The following CHMP2B variants were observed in gnomAD, a reference collection of about 807,000 sequenced individuals.
The protein encoded by CHMP2B is charged multivesicular body protein 2B.
CHMP2B carries 22 observed loss-of-function variants against 29.8 expected under a neutral mutation model. The ratio of observed to expected loss-of-function variants is 0.74; its 90% confidence interval spans 0.53 to 1.05. The LOEUF (loss-of-function observed/expected upper bound fraction) is 1.05. Among genes scored for constraint, CHMP2B ranks in the 50% least tolerant of loss-of-function variants. The pLI, the probability that CHMP2B is intolerant of heterozygous loss-of-function variation, is 0.00. For synonymous variants in CHMP2B, 78 were observed against 75.8 expected, an observed-to-expected ratio of 1.03 and a Z score of -0.15; for missense variants, 261 against 252.2, an observed-to-expected ratio of 1.03 and a Z score of -0.24.
chr3:87,242,995 A>C (rs1706147593), intron 2 of CHMP2B, among the ~76,000 whole-genome samples: 1 of 152,180 alleles, frequency 6.6e-6, no homozygotes, highest in Non-Finnish European at 1.5e-5. Flanking sequence ...TTGGGATTAC[A>C]TTGAATAGTT....
At chr3:87,244,101 C>T (rs1276933496) in intron 2 of CHMP2B, among the ~76,000 whole-genome samples, 1 of 144,324 alleles carries the variant, frequency 6.9e-6, no homozygotes, top group African/African-American at 2.6e-5. Flanking sequence ...GGCTGGAGTG[C>T]GGTGGCGTGA....
intron 3 of CHMP2B, among the ~76,000 whole-genome samples, chr3:87,246,366 A>T (rs984425334): frequency 6.6e-6 from 1 of 152,016 alleles, no homozygotes; most frequent in African/African-American, 2.4e-5. Flanking sequence ...TAAACTCCTG[A>T]TCTCAGATGA....
At chr3:87,228,129 A>G (rs915594669) in intron 1 of CHMP2B, among the ~76,000 whole-genome samples, 4 of 152,224 alleles carry the variant, frequency 2.6e-5, no homozygotes, top group African/African-American at 9.6e-5. Flanking sequence ...TTTAGTTTTC[A>G]TAATGGATTT....
chr3:87,237,005 G>A (rs72547274), intron 1 of CHMP2B, among the ~76,000 whole-genome samples: 98 of 152,242 alleles, frequency 6.4e-4, no homozygotes, highest in African/African-American at 2.3e-3. Flanking sequence ...ATTTTCTATG[G>A]AAACAGTGGG....
intron 1 of CHMP2B, among the ~76,000 whole-genome samples, chr3:87,232,830 C>T (rs1055073017): frequency 1.3e-5 from 2 of 152,074 alleles, no homozygotes; most frequent in Non-Finnish European, 2.9e-5. Flanking sequence ...AAGCCTTTGC[C>T]GTTGAGGACC....
At chr3:87,235,084 T>G (rs77085765) in intron 1 of CHMP2B, among the ~76,000 whole-genome samples, 5,100 of 152,286 alleles carry the variant, frequency 0.033, 122 homozygotes, top group African/African-American at 0.065. Context: ...GATATATTGG[T>G]ATGCTATTTG....
intron 1 of CHMP2B, among the ~76,000 whole-genome samples, chr3:87,229,920 A>C (rs903595937): frequency 6.6e-6 from 1 of 152,194 alleles, no homozygotes; most frequent in Non-Finnish European, 1.5e-5. Flanking sequence ...TCATTTTGAC[A>C]CAAAGATGAA....
chr3:87,227,347 G>T lies in CHMP2B; in HGVS notation c.-176G>T. 3 of 666,226 alleles carry T rather than the reference G, an allele frequency of 4.5e-6. No individual in the cohort carries two copies. In the South Asian group the frequency reaches 5.1e-5, roughly 11 times the overall value. 41.3% of individuals were successfully genotyped at this position (666,226 alleles called of 1,614,324 possible). On this transcript the variant is annotated 5_prime_UTR_variant, in exon 1 of 6. Transcript: ENST00000263780. ...CACCTGAGCTCCGGGTGACGCGGCT[G>T]CGGTAGCTGCGGATACAAGCCTTCC...
At chr3:87,235,005 T>C (rs1705975143) in intron 1 of CHMP2B, among the ~76,000 whole-genome samples, 1 of 152,254 alleles carries the variant, frequency 6.6e-6, no homozygotes, top group East Asian at 1.9e-4. Flanking sequence ...GTGTTAAATA[T>C]GCCTGTAAGA....
In CHMP2B at chr3:87,227,334, G is replaced by A. The variant is rs909163449; in HGVS notation, c.-189G>A. On this transcript the variant is annotated 5_prime_UTR_variant, in exon 1 of 6. Coordinates refer to ENST00000263780, the MANE Select transcript of CHMP2B (RefSeq NM_014043.4). ...GTTAGTTCCCGGTCACCTGAGCTCC[G>A]GGTGACGCGGCTGCGGTAGCTGCGG... is the stretch of plus-strand genomic sequence containing the variant. The A allele has an allele frequency of 3.1e-6, 2 of 644,500 alleles. No homozygotes were observed. The highest frequency in any genetic ancestry group is 2.8e-6 in the Non-Finnish European group (1 of 359,238). 39.9% of individuals were successfully genotyped at this position (644,500 alleles called of 1,614,324 possible). A position where few individuals can be genotyped will look rare whatever the true frequency, so the allele number is the denominator to read the frequency against.
chr3:87,238,451 C>T (rs1453320586), intron 1 of CHMP2B, among the ~76,000 whole-genome samples: 1 of 152,176 alleles, frequency 6.6e-6, no homozygotes, highest in African/African-American at 2.4e-5. Flanking sequence ...AACCATTAAG[C>T]AGTGACTTAA....
At chr3:87,232,296 A>G (rs1305656351) in intron 1 of CHMP2B, among the ~76,000 whole-genome samples, 1 of 152,156 alleles carries the variant, frequency 6.6e-6, no homozygotes, top group Non-Finnish European at 1.5e-5. Context: ...ATTAGTTGTG[A>G]TGCCACATTT....
intron 1 of CHMP2B, among the ~76,000 whole-genome samples, chr3:87,231,304 C>T (rs1399109170): frequency 6.6e-6 from 1 of 152,146 alleles, no homozygotes; most frequent in East Asian, 1.9e-4. Context: ...GTTGACAGTG[C>T]TTGATGTTGC....
At chr3:87,232,020 T>A (rs1218172773) in intron 1 of CHMP2B, among the ~76,000 whole-genome samples, 1 of 152,186 alleles carries the variant, frequency 6.6e-6, no homozygotes, top group Non-Finnish European at 1.5e-5. Context: ...GAGTTTCTAA[T>A]TTAGAGATTA....
chr3:87,235,889 C>A (rs186941888), intron 1 of CHMP2B, among the ~76,000 whole-genome samples: 15 of 152,306 alleles, frequency 9.8e-5, no homozygotes, highest in African/African-American at 3.6e-4. Flanking sequence ...GGTTTTCCTA[C>A]AACTTCATCT....
intron 4 of CHMP2B, among the ~76,000 whole-genome samples, chr3:87,252,888 C>T (rs188776522): frequency 1.3e-5 from 2 of 152,002 alleles, no homozygotes; most frequent in African/African-American, 4.8e-5. Context: ...CCTGTTAAAT[C>T]GGACATCATT....
chr3:87,244,840 G>C (rs566642474), intron 2 of CHMP2B, among the ~76,000 whole-genome samples: 319 of 152,232 alleles, frequency 2.1e-3, no homozygotes, highest in African/African-American at 7.1e-3. Flanking sequence ...ATTGGTGATA[G>C]TGTTTTTTAA....
intron 2 of CHMP2B, among the ~76,000 whole-genome samples, chr3:87,244,558 CTG>C (rs1267999469): frequency 6.6e-6 from 1 of 151,674 alleles, no homozygotes; most frequent in Admixed American, 6.6e-5. Flanking sequence ...ATTATTTTCT[CTG>C]TGGTTTTTTC....
intron 2 of CHMP2B, among the ~76,000 whole-genome samples, chr3:87,241,282 TA>T (rs1192539173): frequency 6.6e-6 from 1 of 152,342 alleles, no homozygotes; most frequent in Admixed American, 6.5e-5. Context: ...CTCAAATCTT[TA>T]AAAAATATCT....
Sources: gnomAD v4.1 joint callset for allele counts (sites outside exome capture counted in the v4.1 genomes callset) on GRCh38, gnomAD v4.1.1 for gene constraint, MANE v1.5 for transcripts, NCBI Gene and HGNC (gene_info 2026-07-23, HGNC 2026-07-21) for gene names.